The following CEP72 variants were observed in gnomAD, a reference collection of about 807,000 sequenced individuals.
The protein encoded by CEP72 is centrosomal protein 72.
In CEP72, 78 loss-of-function variants were observed where a neutral mutation model predicts 65.7. That is an observed-to-expected ratio of 1.19 (90% CI 0.99 to 1.43). The LOEUF (loss-of-function observed/expected upper bound fraction) is 1.43, where lower values mean the gene tolerates loss of function less well. CEP72 is among the 40% of genes most tolerant of loss of function. The probability of loss-of-function intolerance (pLI) is 0.00; values close to 1 mark genes in which losing one functional copy is unlikely to be tolerated. For synonymous variants in CEP72, 358 were observed against 351.7 expected (o/e 1.02, Z -0.20); for missense variants, 914 against 832.9 (o/e 1.10, Z -1.20).
At chr5:665,919 G>GGCCCCCCCCCCCCCCCC in intron 3 of CEP72, 1 of 344,042 alleles carries the variant, frequency 2.9e-6, no homozygotes, top group Non-Finnish European at 4.0e-6. Flanking sequence ...CACCTTCCAG[G>GGCCCCCCCCCCCCCCCC]CCCCGCCCCC....
At chr5:643,583 C>G (rs893459041) in intron 9 of CEP72, 2 of 985,278 alleles carry the variant, frequency 2.0e-6, no homozygotes, top group Non-Finnish European at 2.4e-6. Flanking sequence ...CTCAGGCGCT[C>G]CCTCCCCTGG....
chr5:649,072 T>TGAGGTGTGACTGC, intron 11 of CEP72, among the ~76,000 whole-genome samples: 1 of 140,450 alleles, frequency 7.1e-6, no homozygotes, highest in Non-Finnish European at 1.5e-5. Context: ...GTGTGGACTG[T>TGAGGTGTGACTGC]GAGGTGTGAC....
chr5:616,831 TGC>T (rs1459436114), intron 1 of CEP72, among the ~76,000 whole-genome samples: 20 of 147,768 alleles, frequency 1.4e-4, no homozygotes, highest in African/African-American at 1.8e-4. Context: ...TGTGTGTGTG[TGC>T]GCGCGAGTGG....
At chr5:613,173 T>C (rs2126720519) in intron 1 of CEP72, among the ~76,000 whole-genome samples, 1 of 152,362 alleles carries the variant, frequency 6.6e-6, no homozygotes, top group South Asian at 2.1e-4. Context: ...GAGTTGTTTC[T>C]GGTGTTCTGT....
chr5:642,114 G>T (rs1738083550), intron 9 of CEP72: 2 of 975,438 alleles, frequency 2.1e-6, no homozygotes, highest in Non-Finnish European at 2.4e-6. Context: ...TTAAACACAC[G>T]TGGTCCCCCG....
At chr5:675,298 T>G in the CEP72 span, among the ~76,000 whole-genome samples, 1 of 54,444 alleles carries the variant, frequency 1.8e-5, no homozygotes, top group Non-Finnish European at 3.3e-5. Flanking sequence ...TGGCCAGGGG[T>G]GCAGCGTGGG....
At position 649,954 on chromosome 5, in the gene CEP72, CTG is replaced by C. The variant is rs201776901; in HGVS notation, c.1778+2041_1778+2042del. Among the ~76,000 whole-genome samples the C allele has an allele frequency of 2.0e-4, 13 of 65,330 alleles. 1 individual carries two copies. The highest frequency in any genetic ancestry group is 0.015 in the Middle Eastern group (1 of 68). 42.9% of individuals were successfully genotyped at this position (65,330 alleles called of 152,430 possible). A position where few individuals can be genotyped will look rare whatever the true frequency, so the allele number is the denominator to read the frequency against. ...TGTGAGGCGTGACTGTGAGGCGTGA[CTG>C]TGAGGCGTGGACTGTGAGGTGTGAC... On this transcript the variant is annotated intron_variant, in intron 11 of 11. Transcript: ENST00000264935.
At chr5:643,514 C>T (rs921203361) in intron 9 of CEP72, 16 of 985,294 alleles carry the variant, frequency 1.6e-5, no homozygotes, top group Admixed American at 6.1e-5. Context: ...CGGGTGGGCT[C>T]ACTGAGCGGA....
At chr5:674,760 A>G in the CEP72 span, among the ~76,000 whole-genome samples, 11 of 151,716 alleles carry the variant, frequency 7.3e-5, no homozygotes, top group Non-Finnish European at 1.3e-4. Context: ...TCTGTCCTCC[A>G]GGCAGAGGCT....
In CEP72 at chr5:640,456, A is replaced by T; in HGVS notation, c.1391A>T (p.Gln464Leu). Residue 464 changes from glutamine to leucine, a missense_variant, in exon 9 of 12, where the codon CAG becomes CTG. Coordinates refer to ENST00000264935, the MANE Select transcript of CEP72 (RefSeq NM_018140.4). ...LSSVEEFTAA[Q>L]DSSAMVGEDV... ...TCTGTTGAAGAATTCACAGCAGCTC[A>T]GGACAGCTCTGCGATGGTGGGTGAA... 3.7e-6 allele frequency: 6 copies of T among 1,614,262 alleles called. No individual in the cohort carries two copies. The highest frequency in any genetic ancestry group is 5.1e-6 in the Non-Finnish European group (6 of 1,180,040).
chr5:671,173 C>A (rs116774199), downstream of CEP72, among the ~76,000 whole-genome samples: 1 of 152,044 alleles, frequency 6.6e-6, no homozygotes, highest in Non-Finnish European at 1.5e-5. Flanking sequence ...AGCGCACTGT[C>A]TCCCTCTGGG....
chr5:643,204 C>T, intron 9 of CEP72: 1 of 985,336 alleles, frequency 1.0e-6, no homozygotes, highest in Non-Finnish European at 1.2e-6. Context: ...GACTTTGCCT[C>T]AAAGAAACAA....
rs758151630 is a variant in CEP72 at position 637,595 on chromosome 5, C to G, written c.983C>G (p.Ala328Gly). The G allele has an allele frequency of 1.9e-6, 3 of 1,614,004 alleles. No homozygotes were observed. The highest frequency in any genetic ancestry group is 1.7e-5 in the Admixed American group (1 of 60,030). The change falls in exon 7 of 12, where the codon GCC (alanine) becomes GGC (glycine). Residue 328 changes from alanine (A) to glycine (G), a missense_variant. Coordinates refer to ENST00000264935, the MANE Select transcript of CEP72 (RefSeq NM_018140.4). ...SGEMVPGPLP[A>G]PGKCRKRRMP... ...GAAATGGTGCCTGGTCCCCTGCCAG[C>G]CCCCGGAAAGTGCAGGAAGCGAAGA... is the stretch of plus-strand genomic sequence containing the variant.
At chr5:639,513 C>G (rs1737858505) in intron 8 of CEP72, among the ~76,000 whole-genome samples, 1 of 152,202 alleles carries the variant, frequency 6.6e-6, no homozygotes, top group African/African-American at 2.4e-5. Flanking sequence ...TCCAAAGGGG[C>G]TTGGTTCTGA....
chr5:635,621 T>A, intron 6 of CEP72, 37 bp downstream of exon 6: 1 of 1,468,622 alleles, frequency 6.8e-7, no homozygotes, highest in Non-Finnish European at 9.5e-7. Context: ...TCTGTTGCTG[T>A]AACAGAAAAC....
chr5:644,488 CTT>C (rs1364776203), intron 10 of CEP72, 63 bp downstream of exon 10: 1 of 1,569,294 alleles, frequency 6.4e-7, no homozygotes, highest in African/African-American at 1.4e-5. Context: ...CCTAGGTAGA[CTT>C]TGTTTTAAAT....
chr5:655,472 C>T (rs1431639733), downstream of CEP72: 1 of 152,156 alleles, frequency 6.6e-6, no homozygotes, highest in African/African-American at 2.4e-5. This position sits in a 1 kb window ranked among gnomAD's most constrained non-coding sequence, Gnocchi z 5.0. Flanking sequence ...TAGAAATTCC[C>T]AACTGTTCCA....
At chr5:650,798 CGTGGACTGTGAG>C (rs1561065045) in intron 11 of CEP72, among the ~76,000 whole-genome samples, 3 of 30,220 alleles carry the variant, frequency 9.9e-5, no homozygotes, top group Non-Finnish European at 1.6e-4. Context: ...GACTGTGAGG[CGTGGACTGTGAG>C]GTGTGACTGT....
At chr5:635,919 G>A (rs1003659136) in intron 6 of CEP72, among the ~76,000 whole-genome samples, 6 of 151,388 alleles carry the variant, frequency 4.0e-5, no homozygotes, top group African/African-American at 9.7e-5. Context: ...CAGCATTCCC[G>A]CCTCCCTGAG....
Sources: allele counts gnomAD v4.1 joint callset (sites outside exome capture counted in the v4.1 genomes callset), GRCh38; gene constraint gnomAD v4.1.1; non-coding constraint Gnocchi (gnomAD v3.1); transcripts MANE v1.5; gene names NCBI Gene and HGNC (gene_info 2026-07-23, HGNC 2026-07-21).